The following OPRM1 variants were observed in gnomAD, a reference collection of about 807,000 sequenced individuals.
The protein encoded by OPRM1 is mu-type opioid receptor.
OPRM1 carries 27 observed loss-of-function variants against 31.8 expected under a neutral mutation model. The ratio of observed to expected loss-of-function variants is 0.85; its 90% CI spans 0.63 to 1.17. The LOEUF is 1.17. OPRM1 is among the 50% of genes most tolerant of loss of function. OPRM1 has a pLI of 0.00. For synonymous variants in OPRM1, 196 were observed against 189.9 expected (o/e 1.03, Z -0.26); for missense variants, 536 against 511.1 (o/e 1.05, Z -0.47).
intron 3 of OPRM1, among the ~76,000 whole-genome samples, chr6:154,096,777 C>G (rs1194831057): frequency 6.6e-6 from 1 of 152,160 alleles, no homozygotes; most frequent in African/African-American, 2.4e-5. Flanking sequence ...CTTTTCTCTG[C>G]TTTCCTACAC....
chr6:154,178,848 C>T (rs188517579), intron 3 of OPRM1, among the ~76,000 whole-genome samples: 1 of 152,196 alleles, frequency 6.6e-6, no homozygotes, highest in South Asian at 2.1e-4. Flanking sequence ...CAGAGAAAGC[C>T]TGGAACTGAA....
Position 154,118,826 on chromosome 6 carries a change from T to G in OPRM1, c.*105T>G, listed in dbSNP as rs1162745890. On this transcript the variant is annotated 3_prime_UTR_variant, in exon 4 of 4. Transcript: ENST00000330432. ...AGGAGGCTCTAATTCTCTAGGAAAG[T>G]GCCTGCTTTTAGGTCATCCAACCTC... 50 of 1,549,050 alleles carry G rather than the reference T, an allele frequency of 3.2e-5. No individual in the cohort carries two copies. Among genetic ancestry groups the G allele is most frequent in the Non-Finnish European group, 4.0e-5 (46 of 1,154,384 alleles).
intron 3 of OPRM1, among the ~76,000 whole-genome samples, chr6:154,211,652 C>T (rs2128605086): frequency 1.3e-5 from 2 of 152,216 alleles, no homozygotes; most frequent in East Asian, 3.9e-4. Flanking sequence ...ATAAATCTGA[C>T]ATATTAAAAT....
chr6:154,137,771 T>C (rs908619050), intron 3 of OPRM1, among the ~76,000 whole-genome samples: 1 of 152,106 alleles, frequency 6.6e-6, no homozygotes, highest in African/African-American at 2.4e-5. Flanking sequence ...CTGGAAAACT[T>C]CACAGGTAAA....
chr6:154,110,838 G>A (rs1225118307), intron 3 of OPRM1, among the ~76,000 whole-genome samples: 2 of 136,672 alleles, frequency 1.5e-5, no homozygotes, highest in Non-Finnish European at 3.0e-5. Flanking sequence ...AGTGAGCAGA[G>A]ATCGCGCCAC....
intron 3 of OPRM1, among the ~76,000 whole-genome samples, chr6:154,188,737 ACT>A (rs1324494319): frequency 1.3e-5 from 2 of 152,240 alleles, no homozygotes; most frequent in African/African-American, 4.8e-5. Flanking sequence ...GAAAGATGAC[ACT>A]GAAGACTCAT....
At position 154,013,380 on chromosome 6, in the gene OPRM1, C is replaced by T. The variant is rs529732436; in HGVS notation, c.-1+2362C>T. Among the ~76,000 whole-genome samples, 65 of 152,168 alleles carry T rather than the reference C, an allele frequency of 4.3e-4. 1 individual carries two copies. The highest frequency in any genetic ancestry group is 1.5e-3 in the African/African-American group (64 of 41,520). ...AGAATAAACTGAGAAATTCTATAAGCAATGTCATTCAAGTGCCTGAAATAA... is the reference window on the plus strand; with the variant it reads ...AGAATAAACTGAGAAATTCTATAAGTAATGTCATTCAAGTGCCTGAAATAA... On this transcript the variant is annotated intron_variant, in intron 1 of 5. Coordinates refer to the OPRM1 transcript ENST00000434900.
intron 3 of OPRM1, chr6:154,223,253 A>G (rs1562551466): frequency 1.2e-6 from 2 of 1,605,482 alleles, no homozygotes; most frequent in Non-Finnish European, 1.7e-6. Context: ...CCTGAAACAA[A>G]TATATACCAC....
chr6:154,127,331 T>G lies in OPRM1; in HGVS notation c.*8610T>G, dbSNP rs936759878. On this transcript the variant is annotated 3_prime_UTR_variant, in exon 4 of 4. Coordinates refer to ENST00000330432, the MANE Select transcript of OPRM1 (RefSeq NM_000914.5). ...GAAGAGGTCTCATTTATAAAGTGAA[T>G]TTGAATAAAATGACCAGTTAGGTGT... 6.6e-6 allele frequency among the ~76,000 whole-genome samples: 1 copy of G among 152,160 alleles called. No homozygotes were observed. Among genetic ancestry groups the G allele is most frequent in the Non-Finnish European group, 1.5e-5 (1 of 68,028 alleles).
chr6:154,090,821 C>T, intron 2 of OPRM1, 131 bp from the exon 3 acceptor site: 1 of 763,322 alleles, frequency 1.3e-6, no homozygotes, highest in East Asian at 2.6e-5. Context: ...TGAGTTTCTT[C>T]CACAATTTCT....
At chr6:154,100,367 C>A (rs1042678828) in intron 3 of OPRM1, among the ~76,000 whole-genome samples, 1 of 150,836 alleles carries the variant, frequency 6.6e-6, no homozygotes, top group Non-Finnish European at 1.5e-5. Flanking sequence ...AAGGAATACA[C>A]CCATAAATAT....
chr6:154,042,170 G>C (rs1780204110), intron 1 of OPRM1, among the ~76,000 whole-genome samples: 1 of 152,202 alleles, frequency 6.6e-6, no homozygotes, highest in Non-Finnish European at 1.5e-5. Flanking sequence ...GCAGGGTTAG[G>C]TAACCCTCTT....
chr6:154,054,787 T>A (rs1158577426), intron 1 of OPRM1, among the ~76,000 whole-genome samples: 2 of 152,188 alleles, frequency 1.3e-5, no homozygotes, highest in Non-Finnish European at 2.9e-5. Context: ...AGAGGATGCA[T>A]ACCCCATTCT....
chr6:154,191,207 A>G (rs1320455826), intron 3 of OPRM1, among the ~76,000 whole-genome samples: 2 of 152,234 alleles, frequency 1.3e-5, no homozygotes, highest in East Asian at 3.8e-4. Context: ...AAGAGGTAGT[A>G]AAAAAGATGA....
chr6:154,193,384 G>T (rs1398652622), intron 3 of OPRM1, among the ~76,000 whole-genome samples: 1 of 152,134 alleles, frequency 6.6e-6, no homozygotes, highest in Non-Finnish European at 1.5e-5. Flanking sequence ...TGAGGTGACA[G>T]ATAAAAGACT....
intron 3 of OPRM1, among the ~76,000 whole-genome samples, chr6:154,152,836 A>G (rs915728376): frequency 1.3e-5 from 2 of 151,614 alleles, no homozygotes; most frequent in Non-Finnish European, 2.9e-5. Context: ...CTCAAAGGAT[A>G]CTCCTGCCTC....
At chr6:154,055,252 A>G (rs944377627) in intron 1 of OPRM1, among the ~76,000 whole-genome samples, 4 of 151,960 alleles carry the variant, frequency 2.6e-5, no homozygotes, top group Non-Finnish European at 5.9e-5. Flanking sequence ...TCCGGGCAAC[A>G]TGGCTTGTGC....
intron 3 of OPRM1, among the ~76,000 whole-genome samples, chr6:154,100,099 TGA>T (rs1794463960): frequency 1.6e-5 from 1 of 61,490 alleles, no homozygotes; most frequent in Non-Finnish European, 3.1e-5. Flanking sequence ...TATCATATTA[TGA>T]TATATATATT....
At chr6:154,133,398 G>C (rs1221062645), downstream of OPRM1, among the ~76,000 whole-genome samples, 1 of 152,134 alleles carries the variant, frequency 6.6e-6, no homozygotes, top group African/African-American at 2.4e-5. Flanking sequence ...TTCATATTTT[G>C]TGTGAACATG....
Sources: allele counts gnomAD v4.1 joint callset (sites outside exome capture counted in the v4.1 genomes callset), GRCh38; gene constraint gnomAD v4.1.1; transcripts MANE v1.5; gene names NCBI Gene and HGNC (gene_info 2026-07-23, HGNC 2026-07-21).